ZNF383: variants seen among roughly 807,000 people sequenced by gnomAD.
The protein encoded by ZNF383 is zinc finger protein 383.
In ZNF383, 32 loss-of-function variants were observed where a neutral mutation model predicts 44.2. The observed-to-expected ratio is 0.72, with a 90% confidence interval of 0.55 to 0.97. The LOEUF is 0.97. ZNF383 is among the 50% of genes least tolerant of loss of function. The pLI, the probability that ZNF383 is intolerant of heterozygous loss-of-function variation, is 0.00. For missense variants in ZNF383, 487 were observed against 562.5 expected (o/e 0.87, Z 1.36); for synonymous variants, 155 against 186.2 (o/e 0.83, Z 1.36).
intron 3 of ZNF383, among the ~76,000 whole-genome samples, chr19:37,231,356 T>C (rs987937774): frequency 6.6e-6 from 1 of 152,002 alleles, no homozygotes; most frequent in African/African-American, 2.4e-5. Context: ...AAACCCCATC[T>C]CTACTAAAAA....
chr19:37,233,862 TTTTA>T (rs1156838141), intron 3 of ZNF383, among the ~76,000 whole-genome samples: 3 of 152,012 alleles, frequency 2.0e-5, no homozygotes, highest in African/African-American at 4.8e-5. Flanking sequence ...TTTTTTAAAA[TTTTA>T]TTTATTTATT....
At chr19:37,241,063 T>G (rs1350334122) in intron 5 of ZNF383, among the ~76,000 whole-genome samples, 2 of 152,196 alleles carry the variant, frequency 1.3e-5, no homozygotes, top group Admixed American at 1.3e-4. Context: ...CGCCTCGTCC[T>G]CCCAAAGTGC....
At position 37,243,780 on chromosome 19, in the gene ZNF383, T is replaced by C; in HGVS notation, c.*116T>C. On this transcript the variant is annotated 3_prime_UTR_variant, in exon 6 of 6. Coordinates refer to ENST00000684119, the MANE Select transcript of ZNF383 (RefSeq NM_001387601.1). ...TGTATTTAAATTTTGTATCCAAATG[T>C]ATTTCATTCCAGGTTATAAATTCGG... 1.5e-6 allele frequency: 1 copy of C among 684,002 alleles called. No homozygotes were observed. Among genetic ancestry groups the C allele is most frequent in the African/African-American group, 1.8e-5 (1 of 55,856 alleles). 42.4% of individuals were successfully genotyped at this position (684,002 alleles called of 1,614,324 possible).
intron 4 of ZNF383, 78 bp from the exon 5 acceptor site, chr19:37,235,901 C>G: frequency 7.4e-7 from 1 of 1,348,628 alleles, no homozygotes; most frequent in East Asian, 2.3e-5. Flanking sequence ...GTAGTGGCAT[C>G]TCTTCCTGTG....
chr19:37,221,879 C>T lies in ZNF383; in HGVS notation c.-167-2939C>T, dbSNP rs935806880. 2.8e-4 allele frequency among the ~76,000 whole-genome samples: 42 copies of T among 150,738 alleles called. 1 individual carries two copies. The highest frequency in any genetic ancestry group is 4.6e-4 in the Non-Finnish European group (31 of 67,814). ...GCTGAGGCGGGAGAATTGTGTGAACCCGGGAGGTGGAGCTTGCAATGAGCC... is the reference window on the plus strand; with the variant it reads ...GCTGAGGCGGGAGAATTGTGTGAACTCGGGAGGTGGAGCTTGCAATGAGCC... On this transcript the variant is annotated intron_variant, in intron 1 of 5. Transcript: ENST00000684119.
chr19:37,243,509 A>C lies in ZNF383; in HGVS notation c.1273A>C (p.Asn425His). The C allele has an allele frequency of 1.2e-6, 2 of 1,614,130 alleles. No individual in the cohort carries two copies. The highest frequency in any genetic ancestry group is 8.5e-7 in the Non-Finnish European group (1 of 1,180,022). Residue 425 changes from asparagine (N) to histidine (H), a missense_variant, in exon 6 of 6, where the codon AAT becomes CAT. By Grantham distance (68) the Asn-to-His change is moderately conservative (BLOSUM62 1). Transcript: ENST00000684119. The stretch of plus-strand genomic sequence containing the variant: ...TACAGATGAAAAACCATATGAATGT[A>C]ATGAATGTGGAAAGGCCTTTAATAA... ...IHTDEKPYEC[N>H]ECGKAFNKCS...
chr19:37,234,424 T>G (rs1383404337), intron 3 of ZNF383, among the ~76,000 whole-genome samples: 1 of 152,216 alleles, frequency 6.6e-6, no homozygotes, highest in Non-Finnish European at 1.5e-5. Flanking sequence ...AGTCTTGCTC[T>G]GTTGCCCAGG....
chr19:37,224,320 AT>A (rs1208716596), intron 1 of ZNF383, among the ~76,000 whole-genome samples: 2 of 152,214 alleles, frequency 1.3e-5, no homozygotes, highest in Non-Finnish European at 2.9e-5. Flanking sequence ...AAATTAATAA[AT>A]CTCTAACAAA....
At chr19:37,220,612 A>C (rs979276022) in intron 1 of ZNF383, among the ~76,000 whole-genome samples, 53 of 150,856 alleles carry the variant, frequency 3.5e-4, no homozygotes, top group African/African-American at 1.2e-3. Flanking sequence ...ACAGAAAAAT[A>C]GTTAAAATAT....
rs139601028 is a variant in ZNF383 at position 37,241,698 on chromosome 19, G to A, written c.233-771G>A. ...AGACCCCACCCTGAAGCTTTCTAAG[G>A]TCCTACCATGAATTACCTTATTAGC... is the stretch of plus-strand genomic sequence containing the variant. On this transcript the variant is annotated intron_variant, in intron 5 of 5. Coordinates refer to ENST00000684119, the MANE Select transcript of ZNF383 (RefSeq NM_001387601.1). 2.0e-5 allele frequency among the ~76,000 whole-genome samples: 3 copies of A among 152,068 alleles called. No homozygotes were observed. In the East Asian group the frequency reaches 5.8e-4, roughly 29 times the overall value.
chr19:37,245,248 C>T lies in ZNF383; in HGVS notation c.*1584C>T, dbSNP rs773357935. On this transcript the variant is annotated 3_prime_UTR_variant, in exon 6 of 6. Transcript: ENST00000684119. ...TGAGATGGTGCCACTGCACTCCAGC[C>T]TGGGGGACAGAGTGAGATTCCGTCT... The T allele has an allele frequency of 6.6e-5, 10 of 152,056 alleles. No homozygotes were observed. The highest frequency in any genetic ancestry group is 2.6e-4 in the Admixed American group (4 of 15,252). The allele number at this position is 152,056 out of a possible 1,614,324, so 9.4% of individuals were successfully genotyped here.
chr19:37,225,853 G>A (rs1481998626), intron 2 of ZNF383, among the ~76,000 whole-genome samples: 3 of 149,852 alleles, frequency 2.0e-5, no homozygotes, highest in Admixed American at 6.7e-5. Flanking sequence ...GCAATGGTGC[G>A]ATCTCAGGTC....
Position 37,227,059 on chromosome 19 carries a change from G to A in ZNF383, c.-46+2120G>A, listed in dbSNP as rs1239338484. Among the ~76,000 whole-genome samples the A allele has an allele frequency of 8.7e-5, 13 of 149,986 alleles. No homozygotes were observed. In the East Asian group the frequency reaches 9.8e-4, roughly 11 times the overall value. On this transcript the variant is annotated intron_variant, in intron 2 of 5. Coordinates refer to ENST00000684119, the MANE Select transcript of ZNF383 (RefSeq NM_001387601.1). ...GTTGACCTCGTGATCTGCCCGCCTC[G>A]GCCTCCCAAAGTGCTGGGATTACAG...
Position 37,243,914 on chromosome 19 carries a change from A to G in ZNF383, c.*250A>G. On this transcript the variant is annotated 3_prime_UTR_variant, in exon 6 of 6. Coordinates refer to ENST00000684119, the MANE Select transcript of ZNF383 (RefSeq NM_001387601.1). The stretch of plus-strand genomic sequence containing the variant: ...ACTTTCTTGGTGACACATTATACTC[A>G]TGTTTATATTTGCTTGTGTTTTTAG... 2.9e-6 allele frequency: 1 copy of G among 347,798 alleles called. No individual in the cohort carries two copies. The highest frequency in any genetic ancestry group is 5.2e-6 in the Non-Finnish European group (1 of 193,618). The allele number at this position is 347,798 out of a possible 1,614,324, so 21.5% of individuals were successfully genotyped here.
In ZNF383 at chr19:37,242,969, CAG is replaced by C. The variant is rs763310560; in HGVS notation, c.737_738del (p.Arg246AsnfsTer5). 15 of 1,614,138 alleles carry C rather than the reference CAG, an allele frequency of 9.3e-6. No individual in the cohort carries two copies. The highest frequency in any genetic ancestry group is 1.3e-5 in the Non-Finnish European group (15 of 1,180,012). ...TTGTAGCTCATACCTTTCTCAACAT[CAG>C]AGAATCCATACCGGTAAGAAACCCT... ...FSCSSYLSQH[Q>X]RIHTGKKPYE... On this transcript the variant is annotated frameshift_variant, in exon 6 of 6. Coordinates refer to ENST00000684119, the MANE Select transcript of ZNF383 (RefSeq NM_001387601.1). LOFTEE classifies it high-confidence loss of function.
chr19:37,235,043 C>T (rs376464789), intron 3 of ZNF383, among the ~76,000 whole-genome samples: 165 of 152,170 alleles, frequency 1.1e-3, no homozygotes, highest in African/African-American at 3.2e-3. Context: ...GAGGCTGAGG[C>T]GGGCAGATCA....
intron 5 of ZNF383, among the ~76,000 whole-genome samples, chr19:37,237,885 C>T (rs1302741210): frequency 6.7e-6 from 1 of 149,124 alleles, no homozygotes; most frequent in African/African-American, 2.5e-5. Flanking sequence ...TTTTTTGAGA[C>T]AGGGTCTCAC....
chr19:37,240,691 C>T (rs1221942983), intron 5 of ZNF383, among the ~76,000 whole-genome samples: 1 of 152,248 alleles, frequency 6.6e-6, no homozygotes, highest in Non-Finnish European at 1.5e-5. Flanking sequence ...ATCCCCAGCA[C>T]ATAAAATAAT....
In ZNF383 at chr19:37,248,459, TAAATC is replaced by T. The variant is rs1048465275; in HGVS notation, c.*4799_*4803del. 1.1e-3 allele frequency: 165 copies of T among 152,336 alleles called. 1 individual carries two copies. The highest frequency in any genetic ancestry group is 3.8e-3 in the African/African-American group (156 of 41,592). The allele number at this position is 152,336 out of a possible 1,614,324, so 9.4% of individuals were successfully genotyped here. ...TGAATTTAGGAAAAAACAATTCTGATAAATCAAACTTTCTACTTTCTGAAACTTGA... is the reference window on the plus strand; with the variant it reads ...TGAATTTAGGAAAAAACAATTCTGATAAACTTTCTACTTTCTGAAACTTGA... On this transcript the variant is annotated 3_prime_UTR_variant, in exon 6 of 6. Coordinates refer to ENST00000684119, the MANE Select transcript of ZNF383 (RefSeq NM_001387601.1).
Sources: allele counts gnomAD v4.1 joint callset (sites outside exome capture counted in the v4.1 genomes callset), GRCh38; gene constraint gnomAD v4.1.1; transcripts MANE v1.5; gene names NCBI Gene and HGNC (gene_info 2026-07-23, HGNC 2026-07-21).